The following LRRN2 variants were observed in gnomAD, a reference collection of about 807,000 sequenced individuals.
The protein encoded by LRRN2 is leucine-rich repeat neuronal protein 2.
LRRN2 carries 10 observed loss-of-function variants against 35.7 expected under a neutral mutation model. The ratio of observed to expected loss-of-function variants is 0.28; its 90% CI spans 0.17 to 0.47. The LOEUF (loss-of-function observed/expected upper bound fraction) is 0.47. Among genes scored for constraint, LRRN2 ranks in the 20% least tolerant of loss-of-function variants. The pLI is 0.99. For synonymous variants in LRRN2, 391 were observed against 409.6 expected, an observed-to-expected ratio of 0.95 and a Z score of 0.55; for missense variants, 731 against 940.3, an observed-to-expected ratio of 0.78 and a Z score of 2.91.
chr1:204,635,217 A>G (rs1667804314), intron 1 of LRRN2, among the ~76,000 whole-genome samples: 1 of 152,248 alleles, frequency 6.6e-6, no homozygotes, highest in East Asian at 1.9e-4. Flanking sequence ...ACTGAACCCT[A>G]GTTTTCTCAT....
chr1:204,640,713 T>C (rs1240285194), intron 1 of LRRN2, among the ~76,000 whole-genome samples: 1 of 152,114 alleles, frequency 6.6e-6, no homozygotes, highest in Non-Finnish European at 1.5e-5. Context: ...TCTCCTCTAC[T>C]CATCTCTACT....
At chr1:204,675,331 C>T (rs1411101604) in intron 1 of LRRN2, among the ~76,000 whole-genome samples, 1 of 152,244 alleles carries the variant, frequency 6.6e-6, no homozygotes, top group African/African-American at 2.4e-5. Context: ...ATAAACAACA[C>T]AGATGTATTC....
chr1:204,685,072 C>A (rs1401399319), intron 1 of LRRN2, among the ~76,000 whole-genome samples: 2 of 152,176 alleles, frequency 1.3e-5, no homozygotes, highest in Admixed American at 1.3e-4. Context: ...CTCTGCCCCT[C>A]GGCCGCCTCC....
intron 1 of LRRN2, 54 bp downstream of exon 1, chr1:204,685,266 G>A (rs1026774033): frequency 6.6e-6 from 1 of 152,264 alleles, no homozygotes; most frequent in Non-Finnish European, 1.5e-5. Context: ...CGGTGTCCAC[G>A]ATTCCCCGGC....
At chr1:204,638,311 C>T (rs916986721) in intron 1 of LRRN2, among the ~76,000 whole-genome samples, 2 of 151,740 alleles carry the variant, frequency 1.3e-5, no homozygotes, top group African/African-American at 4.8e-5. Context: ...TGAATCCCCC[C>T]GCACCGTTGG....
chr1:204,680,753 C>T (rs186023755), intron 1 of LRRN2, among the ~76,000 whole-genome samples: 6 of 152,324 alleles, frequency 3.9e-5, no homozygotes, highest in South Asian at 4.1e-4. Flanking sequence ...GACGTGTCAG[C>T]GGTGATGGTG....
intron 1 of LRRN2, among the ~76,000 whole-genome samples, chr1:204,657,337 TATATAC>T (rs1202514236): frequency 1.9e-5 from 2 of 106,568 alleles, no homozygotes; most frequent in Admixed American, 8.5e-5. Context: ...TATATATGTA[TATATAC>T]ACACACACAC....
chr1:204,647,530 G>A (rs1668135583), intron 1 of LRRN2, among the ~76,000 whole-genome samples: 1 of 152,192 alleles, frequency 6.6e-6, no homozygotes, highest in Non-Finnish European at 1.5e-5. Context: ...ACAAGGAAAG[G>A]GAGAGAGGGA....
At chr1:204,676,825 A>G (rs753613232) in intron 1 of LRRN2, among the ~76,000 whole-genome samples, 25 of 152,196 alleles carry the variant, frequency 1.6e-4, no homozygotes, top group Admixed American at 5.9e-4. Flanking sequence ...TGTAGCAGGT[A>G]CTTTACACAG....
At position 204,669,731 on chromosome 1, in the gene LRRN2, A is replaced by T. The variant is rs537472599; in HGVS notation, c.-227+15589T>A. Among the ~76,000 whole-genome samples the T allele has an allele frequency of 1.7e-3, 159 of 91,994 alleles. 2 individuals carry two copies. Among genetic ancestry groups the T allele is most frequent in the Admixed American group, 1.8e-3 (14 of 7,668 alleles). The allele number at this position is 91,994 out of a possible 152,430, so 60.4% of individuals were successfully genotyped here. A position where few individuals can be genotyped will look rare whatever the true frequency, so the allele number is the denominator to read the frequency against. On this transcript the variant is annotated intron_variant, in intron 1 of 1. Coordinates refer to ENST00000367177, the MANE Select transcript of LRRN2 (RefSeq NM_201630.2). ...GTGTGAAGGCCATGAGGCCAAAAGGAGCTCAGCAGTCAGAGCTGAAAAAGG... is the reference window on the plus strand; with the variant it reads ...GTGTGAAGGCCATGAGGCCAAAAGGTGCTCAGCAGTCAGAGCTGAAAAAGG...
intron 1 of LRRN2, among the ~76,000 whole-genome samples, chr1:204,622,746 G>C (rs759093642): frequency 6.6e-6 from 1 of 152,082 alleles, no homozygotes; most frequent in Non-Finnish European, 1.5e-5. Context: ...TTACATACCA[G>C]AGACCCCTGA....
intron 1 of LRRN2, chr1:204,627,052 T>C (rs373008771): frequency 6.6e-6 from 1 of 152,176 alleles, no homozygotes; most frequent in Non-Finnish European, 1.5e-5. Context: ...ACTCTAGTTG[T>C]TGCCACTGGG....
At chr1:204,667,811 G>A (rs192673517) in intron 1 of LRRN2, among the ~76,000 whole-genome samples, 183 of 152,304 alleles carry the variant, frequency 1.2e-3, no homozygotes, top group African/African-American at 4.1e-3. Flanking sequence ...GTGAAGCCAC[G>A]TGAGATGGCT....
chr1:204,626,586 ACT>A (rs1280953219), intron 1 of LRRN2, among the ~76,000 whole-genome samples: 2 of 151,560 alleles, frequency 1.3e-5, no homozygotes, highest in Admixed American at 1.3e-4. Flanking sequence ...TGCCCCCGAG[ACT>A]CTCTGAACAA....
In LRRN2 at chr1:204,665,444, T is replaced by G. The variant is rs540826232; in HGVS notation, c.-227+19876A>C. Among the ~76,000 whole-genome samples, 6 of 152,228 alleles carry G rather than the reference T, an allele frequency of 3.9e-5. No individual in the cohort carries two copies. The East Asian group carries it at 1.2e-3, about 29-fold the overall frequency. On this transcript the variant is annotated intron_variant, in intron 1 of 1. Coordinates refer to ENST00000367177, the MANE Select transcript of LRRN2 (RefSeq NM_201630.2). ...TATGAGCACCCCCACAGCCAGCCCTTAATTGCTTTAGGGGTGAGTCGACAT... is the reference window on the plus strand; with the variant it reads ...TATGAGCACCCCCACAGCCAGCCCTGAATTGCTTTAGGGGTGAGTCGACAT...
rs1161791490 is a variant in LRRN2 at position 204,637,748 on chromosome 1, G to A, written c.-226-17530C>T. Among the ~76,000 whole-genome samples, 7 of 150,066 alleles carry A rather than the reference G, an allele frequency of 4.7e-5. No homozygotes were observed. The South Asian group carries it at 1.1e-3, about 23-fold the overall frequency. ...GAGGACTCCTCTGCGGGAAGGCCCC[G>A]ACCCCCGGGCCTCATCTGTATGCTC... On this transcript the variant is annotated intron_variant, in intron 1 of 1. Transcript: ENST00000367177.
Position 204,618,553 on chromosome 1 carries a change from C to A in LRRN2, c.1440G>T (p.Gly480=). 6.2e-7 allele frequency: 1 copy of A among 1,614,124 alleles called. No individual in the cohort carries two copies. Among genetic ancestry groups the A allele is most frequent in the Non-Finnish European group, 8.5e-7 (1 of 1,180,036 alleles). Residue 480 remains glycine, a synonymous_variant, in exon 2 of 2, where the codon GGG becomes GGT. Coordinates refer to ENST00000367177, the MANE Select transcript of LRRN2 (RefSeq NM_201630.2). ...CTGTCACCCTCCGCAGCTCCAGGGT[C>A]CCCTCGGGGTACACCCGGTACCTCC... ...AGRRYRVYPE[G]TLELRRVTAE...
intron 1 of LRRN2, among the ~76,000 whole-genome samples, chr1:204,632,934 CAAA>C (rs755369336): frequency 1.6e-5 from 2 of 121,812 alleles, no homozygotes; most frequent in Admixed American, 8.3e-5. Flanking sequence ...ACTCTGTCTC[CAAA>C]AAAAAAAAAA....
At chr1:204,632,589 G>T (rs1667733115) in intron 1 of LRRN2, among the ~76,000 whole-genome samples, 1 of 141,554 alleles carries the variant, frequency 7.1e-6, no homozygotes, top group Non-Finnish European at 1.5e-5. Flanking sequence ...AGATCATGCC[G>T]CTGCACCCCA....
Sources: gnomAD v4.1 joint callset for allele counts (sites outside exome capture counted in the v4.1 genomes callset) on GRCh38, gnomAD v4.1.1 for gene constraint, MANE v1.5 for transcripts, NCBI Gene and HGNC (gene_info 2026-07-23, HGNC 2026-07-21) for gene names.